Variants in EDIL3 observed in about 807,000 individuals in gnomAD.
The protein encoded by EDIL3 is EGF-like repeat and discoidin I-like domain-containing protein 3.
In EDIL3, 37 loss-of-function variants were observed where a neutral mutation model predicts 67.4. The observed-to-expected ratio is 0.55, with a 90% CI of 0.42 to 0.72. The LOEUF is 0.72. Among genes scored for constraint, EDIL3 ranks in the 30% least tolerant of loss-of-function variants. EDIL3 has a pLI of 0.00. For missense variants in EDIL3, 527 were observed against 586.3 expected (o/e 0.90, Z 1.04); for synonymous variants, 195 against 196.3 (o/e 0.99, Z 0.05).
At chr5:84,282,896 T>G (rs1330357050) in intron 1 of EDIL3, among the ~76,000 whole-genome samples, 1 of 152,204 alleles carries the variant, frequency 6.6e-6, no homozygotes, top group African/African-American at 2.4e-5. Context: ...CAGTAACTGT[T>G]ATTTCTTTTT....
chr5:84,187,947 C>A (rs143681549), intron 3 of EDIL3, among the ~76,000 whole-genome samples: 1 of 151,846 alleles, frequency 6.6e-6, no homozygotes, highest in Non-Finnish European at 1.5e-5. Context: ...TGAAGAAAGA[C>A]GTAAACTATT....
intron 5 of EDIL3, among the ~76,000 whole-genome samples, chr5:84,133,947 T>C (rs1276236342): frequency 1.3e-5 from 2 of 151,920 alleles, no homozygotes; most frequent in African/African-American, 2.4e-5. Flanking sequence ...AATTAGAAAA[T>C]AATTACTTAA....
At chr5:84,346,518 ATAT>A (rs1198667709) in intron 1 of EDIL3, among the ~76,000 whole-genome samples, 5 of 152,156 alleles carry the variant, frequency 3.3e-5, no homozygotes, top group African/African-American at 1.2e-4. Context: ...TATTATCATA[ATAT>A]TTTCTTGAGT....
At chr5:83,971,757 G>T (rs551621235) in intron 9 of EDIL3, among the ~76,000 whole-genome samples, 1 of 151,860 alleles carries the variant, frequency 6.6e-6, no homozygotes, top group African/African-American at 2.4e-5. Flanking sequence ...GCTCCTCTTT[G>T]TCCCTTACCA....
chr5:84,224,247 T>C (rs1335853070), intron 3 of EDIL3, among the ~76,000 whole-genome samples: 1 of 151,526 alleles, frequency 6.6e-6, no homozygotes, highest in Middle Eastern at 3.2e-3. Context: ...CTGTATTAAA[T>C]GATTTCCTTG....
intron 5 of EDIL3, among the ~76,000 whole-genome samples, chr5:84,109,381 C>G (rs1002064562): frequency 1.3e-5 from 2 of 152,078 alleles, no homozygotes; most frequent in Non-Finnish European, 2.9e-5. Context: ...CAGCATGTGC[C>G]TGTAGTCCCA....
intron 4 of EDIL3, among the ~76,000 whole-genome samples, chr5:84,157,371 C>A (rs1247850271): frequency 6.6e-6 from 1 of 151,896 alleles, no homozygotes; most frequent in Non-Finnish European, 1.5e-5. Flanking sequence ...CAGTTTTGTA[C>A]ATATTCCAGA....
At chr5:84,306,702 T>C (rs1746282384) in intron 1 of EDIL3, among the ~76,000 whole-genome samples, 1 of 152,218 alleles carries the variant, frequency 6.6e-6, no homozygotes, top group African/African-American at 2.4e-5. Context: ...TGAAGATTGA[T>C]AGCCAAAACT....
chr5:84,352,665 G>A (rs1248772752), intron 1 of EDIL3, among the ~76,000 whole-genome samples: 1 of 152,050 alleles, frequency 6.6e-6, no homozygotes, highest in Non-Finnish European at 1.5e-5. Context: ...GAGAGTGATA[G>A]AAGAAATACC....
chr5:84,258,219 G>A (rs1325230406), intron 1 of EDIL3, among the ~76,000 whole-genome samples: 3 of 152,188 alleles, frequency 2.0e-5, no homozygotes, highest in Admixed American at 6.5e-5. Flanking sequence ...AGTTAAGAGC[G>A]TAACAAGTTT....
chr5:84,205,983 T>C (rs1743969561), intron 3 of EDIL3, among the ~76,000 whole-genome samples: 1 of 152,106 alleles, frequency 6.6e-6, no homozygotes. Context: ...CTTGCTTTTC[T>C]AGCTCTTGTA....
At chr5:84,216,768 A>C (rs1443506276) in intron 3 of EDIL3, among the ~76,000 whole-genome samples, 1 of 152,242 alleles carries the variant, frequency 6.6e-6, no homozygotes, top group Non-Finnish European at 1.5e-5. Flanking sequence ...AGAATAATGA[A>C]AGTAAAAATA....
intron 9 of EDIL3, among the ~76,000 whole-genome samples, chr5:84,025,477 T>C (rs1025864643): frequency 6.6e-6 from 1 of 152,056 alleles, no homozygotes; most frequent in Non-Finnish European, 1.5e-5. Flanking sequence ...TATATTATGG[T>C]GAGTTGTATA....
chr5:84,042,812 G>T (rs1417055141), intron 9 of EDIL3, among the ~76,000 whole-genome samples: 1 of 152,138 alleles, frequency 6.6e-6, no homozygotes, highest in Admixed American at 6.6e-5. Context: ...TACTCAACAC[G>T]TGGGAAAGCC....
At chr5:84,048,491 A>G (rs897989955) in intron 9 of EDIL3, among the ~76,000 whole-genome samples, 1 of 152,016 alleles carries the variant, frequency 6.6e-6, no homozygotes, top group Non-Finnish European at 1.5e-5. Context: ...ATAAAGGTCA[A>G]CACTAAAATG....
intron 2 of EDIL3, among the ~76,000 whole-genome samples, chr5:84,239,665 T>C (rs1744758273): frequency 6.6e-6 from 1 of 152,190 alleles, no homozygotes; most frequent in Admixed American, 6.5e-5. Context: ...GAGGAGGTCA[T>C]GCTTGGGGTT....
intron 9 of EDIL3, among the ~76,000 whole-genome samples, chr5:84,053,847 A>G (rs1051245459): frequency 1.3e-5 from 2 of 152,238 alleles, no homozygotes; most frequent in Admixed American, 1.3e-4. Flanking sequence ...GTCCAGGACC[A>G]GATGGATTCA....
chr5:83,976,543 T>C (rs1217119713), intron 9 of EDIL3, among the ~76,000 whole-genome samples: 1 of 151,844 alleles, frequency 6.6e-6, no homozygotes, highest in Non-Finnish European at 1.5e-5. Context: ...CAATGAAAAT[T>C]TTAAATCATG....
rs115314834 is a variant in EDIL3, at chr5:84,111,657, T to C, written c.470-4827A>G. On this transcript the variant is annotated intron_variant, in intron 5 of 10. Coordinates refer to ENST00000296591, the MANE Select transcript of EDIL3 (RefSeq NM_005711.5). Reference sequence around the variant, plus strand: ...AACAAGAAAATACCATGAAGTGGTATGTGCTATGAAGGAAAAAAAGAAGGG... The same window carrying C: ...AACAAGAAAATACCATGAAGTGGTACGTGCTATGAAGGAAAAAAAGAAGGG... Among the ~76,000 whole-genome samples, 837 of 152,162 alleles carry C rather than the reference T, an allele frequency of 5.5e-3. 5 individuals carry two copies. The highest frequency in any genetic ancestry group is 0.019 in the African/African-American group (807 of 41,514).
Sources: allele counts gnomAD v4.1 joint callset (sites outside exome capture counted in the v4.1 genomes callset), GRCh38; gene constraint gnomAD v4.1.1; transcripts MANE v1.5; gene names NCBI Gene and HGNC (gene_info 2026-07-23, HGNC 2026-07-21).